CAPN9: variants seen among roughly 807,000 people sequenced by gnomAD.
CAPN9 encodes the protein calpain 9, also known as calpain-9.
In CAPN9, 81 loss-of-function variants were observed where a neutral mutation model predicts 92.8. The ratio of observed to expected loss-of-function variants is 0.87; its 90% confidence interval spans 0.73 to 1.05. The LOEUF (loss-of-function observed/expected upper bound fraction) is 1.05. Among genes scored for constraint, CAPN9 ranks in the 50% least tolerant of loss-of-function variants. The pLI, the probability that CAPN9 is intolerant of heterozygous loss-of-function variation, is 0.00. For synonymous variants in CAPN9, 304 were observed against 328.0 expected (o/e 0.93, Z 0.79); for missense variants, 848 against 866.2 (o/e 0.98, Z 0.26).
chr1:230,780,398 C>T lies in CAPN9; in HGVS notation c.1272+62C>T. 3.1e-6 allele frequency: 5 copies of T among 1,601,060 alleles called. No individual in the cohort carries two copies. In the South Asian group the frequency reaches 5.5e-5, roughly 18 times the overall value. On this transcript the variant is annotated intron_variant, in intron 10 of 19. Coordinates refer to ENST00000271971, the MANE Select transcript of CAPN9 (RefSeq NM_006615.3). Reference sequence around the variant, plus strand: ...TCTGAGTTCTAAATTCGCGGCTCCTCCTCGGTCTCACACCCGAGACTCAAC... The same window carrying T: ...TCTGAGTTCTAAATTCGCGGCTCCTTCTCGGTCTCACACCCGAGACTCAAC...
At chr1:230,767,444 A>G (rs1666060897) in intron 4 of CAPN9, 97 bp from the exon 5 acceptor site, 1 of 992,724 alleles carries the variant, frequency 1.0e-6, no homozygotes, top group Non-Finnish European at 1.5e-6. Flanking sequence ...GCCCTGGGAG[A>G]TGCTTCAGGC....
intron 6 of CAPN9, among the ~76,000 whole-genome samples, chr1:230,769,488 G>T (rs1279995355): frequency 6.6e-6 from 1 of 152,132 alleles, no homozygotes; most frequent in Non-Finnish European, 1.5e-5. Flanking sequence ...GTAAGCGCCT[G>T]GTCTTTGTTT....
chr1:230,796,814 CG>C (rs980735686), intron 18 of CAPN9, among the ~76,000 whole-genome samples: 2 of 152,238 alleles, frequency 1.3e-5, no homozygotes, highest in East Asian at 1.9e-4. Context: ...CTTCCCAGAA[CG>C]GGGGGTGGGA....
intron 4 of CAPN9, among the ~76,000 whole-genome samples, chr1:230,766,119 A>G (rs1665970499): frequency 6.6e-6 from 1 of 151,904 alleles, no homozygotes; most frequent in Non-Finnish European, 1.5e-5. Context: ...TTTTGGAGAC[A>G]GGGTCTTGCT....
intron 13 of CAPN9, among the ~76,000 whole-genome samples, chr1:230,787,813 A>C (rs1667712055): frequency 6.6e-6 from 1 of 152,192 alleles, no homozygotes; most frequent in Non-Finnish European, 1.5e-5. Flanking sequence ...GGATGGGGCC[A>C]GTGAGCCCAA....
Position 230,792,837 on chromosome 1 carries a change from C to A in CAPN9, c.1792-13C>A. On this transcript the variant is annotated splice_polypyrimidine_tract_variant and intron_variant, in intron 16 of 19. Transcript: ENST00000271971. ...CACGCTCCTTCTCAAGGCTTCTGCT[C>A]TCCACCCTTTAGAACCTTTTCCTTC... 1 of 1,612,458 alleles carries A rather than the reference C, an allele frequency of 6.2e-7. No homozygotes were observed.
intron 19 of CAPN9, 36 bp from the exon 20 acceptor site, chr1:230,801,534 G>A: frequency 6.2e-7 from 1 of 1,611,234 alleles, no homozygotes; most frequent in Non-Finnish European, 8.5e-7. Context: ...GACATGGAAG[G>A]ACAACGACCC....
intron 7 of CAPN9, among the ~76,000 whole-genome samples, chr1:230,774,073 A>G (rs967841068): frequency 2.0e-5 from 3 of 152,286 alleles, no homozygotes; most frequent in Non-Finnish European, 4.4e-5. Flanking sequence ...GAGGTCACAT[A>G]CAAAAGGTGC....
At chr1:230,780,798 C>T in intron 11 of CAPN9, 90 bp downstream of exon 11, 1 of 979,558 alleles carries the variant, frequency 1.0e-6, no homozygotes, top group Non-Finnish European at 1.6e-6. Flanking sequence ...GCCAAGACTC[C>T]ATTCTTCCCT....
Position 230,795,261 on chromosome 1 carries a change from C to T in CAPN9, c.1969C>T (p.Arg657Trp), listed in dbSNP as rs774266028. The T allele has an allele frequency of 6.8e-6, 11 of 1,609,970 alleles. No homozygotes were observed. Among genetic ancestry groups the T allele is most frequent in the East Asian group, 2.2e-5 (1 of 44,724 alleles). ...CGATGACTTCCTCAACTGCCTGGTC[C>T]GGCTGGAGAATGCGAGCCGTAAGTG... ...DFDDFLNCLV[R>W]LENASRVFQA... Residue 657 changes from arginine to tryptophan, a missense_variant, in exon 18 of 20, where the codon CGG becomes TGG. By Grantham distance (101) the Arg-to-Trp change is moderately radical. Transcript: ENST00000271971.
chr1:230,762,004 A>C (rs529150426), intron 3 of CAPN9, among the ~76,000 whole-genome samples: 16 of 152,346 alleles, frequency 1.1e-4, no homozygotes, highest in African/African-American at 3.8e-4. Flanking sequence ...ATGTATAAAT[A>C]AACCACAAAC....
chr1:230,784,791 C>G (rs1156251997), intron 11 of CAPN9, among the ~76,000 whole-genome samples: 1 of 152,248 alleles, frequency 6.6e-6, no homozygotes, highest in East Asian at 1.9e-4. Flanking sequence ...AGGTCTCGCA[C>G]AGAGTCCCCA....
At chr1:230,759,048 C>T (rs765843637) in intron 2 of CAPN9, among the ~76,000 whole-genome samples, 36 of 152,308 alleles carry the variant, frequency 2.4e-4, no homozygotes, top group South Asian at 4.1e-4. Context: ...GGAGCCACCA[C>T]GGAGATACCA....
intron 11 of CAPN9, among the ~76,000 whole-genome samples, chr1:230,785,596 C>T (rs2102911497): frequency 6.6e-6 from 1 of 152,290 alleles, no homozygotes; most frequent in South Asian, 2.1e-4. Context: ...CCCCCTTCAC[C>T]TTCTGCAATA....
chr1:230,755,567 G>A (rs776364902), intron 2 of CAPN9, among the ~76,000 whole-genome samples, 161 bp downstream of exon 2: 31 of 152,196 alleles, frequency 2.0e-4, no homozygotes, highest in Non-Finnish European at 4.6e-4. Flanking sequence ...GAGTCCAGTG[G>A]CCTCAAGCCC....
At position 230,780,636 on chromosome 1, in the gene CAPN9, C is replaced by T; in HGVS notation, c.1409C>T (p.Pro470Leu). Residue 470 changes from proline (P) to leucine (L), a missense_variant, in exon 11 of 20, where the codon CCC (proline) becomes CTC (leucine). By Grantham distance (98) the Pro-to-Leu change is moderately conservative (BLOSUM62 -3). Transcript: ENST00000271971. The stretch of plus-strand genomic sequence containing the variant: ...CCCCCTGGGGAGTACATCCTGATTC[C>T]CAGCACTTTTGAGCCCCACCAGGAA... The part of the protein sequence containing the change: ...KLPPGEYILI[P>L]STFEPHQEAD... The T allele has an allele frequency of 6.2e-7, 1 of 1,614,174 alleles. No individual in the cohort carries two copies. Among genetic ancestry groups the T allele is most frequent in the Non-Finnish European group, 8.5e-7 (1 of 1,180,030 alleles).
chr1:230,783,880 G>A (rs563073673), intron 11 of CAPN9, among the ~76,000 whole-genome samples: 83 of 152,210 alleles, frequency 5.5e-4, no homozygotes, highest in Non-Finnish European at 9.3e-4. Flanking sequence ...AAATAGTTAT[G>A]GCCTAACTGT....
intron 8 of CAPN9, among the ~76,000 whole-genome samples, chr1:230,778,118 A>G (rs1242883169): frequency 6.6e-6 from 1 of 151,924 alleles, no homozygotes; most frequent in African/African-American, 2.4e-5. Flanking sequence ...TTCTCTCTCA[A>G]ACTGCCCCAC....
chr1:230,751,539 T>A (rs535857939), intron 1 of CAPN9, among the ~76,000 whole-genome samples: 2,211 of 75,124 alleles, frequency 0.029, 95 homozygotes, highest in African/African-American at 0.096. Flanking sequence ...GAAAGAAAGA[T>A]AGAAAAAAAG....
Sources: gnomAD v4.1 joint callset for allele counts (sites outside exome capture counted in the v4.1 genomes callset) on GRCh38, gnomAD v4.1.1 for gene constraint, MANE v1.5 for transcripts, NCBI Gene and HGNC (gene_info 2026-07-23, HGNC 2026-07-21) for gene names.